The following SMC6 variants were observed in gnomAD, a reference collection of about 807,000 sequenced individuals.
The protein encoded by SMC6 is structural maintenance of chromosomes protein 6.
Under a neutral mutation model 142.2 loss-of-function variants are expected in SMC6, and 79 were observed. The observed-to-expected ratio is 0.56, with a 90% CI of 0.46 to 0.67. SMC6 has a LOEUF of 0.67. SMC6 is among the 30% of genes least tolerant of loss of function. The pLI is 0.00. For missense variants in SMC6, 1,072 were observed against 1,284.0 expected (o/e 0.83, Z 2.52); for synonymous variants, 411 against 412.4 (o/e 1.00, Z 0.04).
At chr2:17,670,637 C>A in intron 25 of SMC6, 62 bp from the exon 26 acceptor site, 11 of 1,390,222 alleles carry the variant, frequency 7.9e-6, no homozygotes, top group Non-Finnish European at 9.6e-6. Flanking sequence ...AGATTAAATT[C>A]TTTACAAGAC....
At chr2:17,693,955 A>G (rs1183457469) in intron 23 of SMC6, among the ~76,000 whole-genome samples, 2 of 147,238 alleles carry the variant, frequency 1.4e-5, no homozygotes, top group African/African-American at 5.0e-5. Flanking sequence ...AGCCGAGATC[A>G]CGCCATTGCA....
rs1420817987 is a variant in SMC6 at position 17,753,636 on chromosome 2, T to C, written c.-103A>G. Reference sequence around the variant, plus strand: ...GCGCCTTCACCCTACCGCCAACAAGTCGAAGTCTCCCAAAGGAACCTGATC... The same window carrying C: ...GCGCCTTCACCCTACCGCCAACAAGCCGAAGTCTCCCAAAGGAACCTGATC... On this transcript the variant is annotated 5_prime_UTR_variant, in exon 1 of 28. Coordinates refer to ENST00000448223, the MANE Select transcript of SMC6 (RefSeq NM_001142286.2). The C allele has an allele frequency of 6.6e-6, 1 of 152,172 alleles. No homozygotes were observed. The highest frequency in any genetic ancestry group is 2.4e-5 in the African/African-American group (1 of 41,430). 9.4% of individuals were successfully genotyped at this position (152,172 alleles called of 1,614,324 possible).
chr2:17,690,975 T>C (rs1572271150), intron 23 of SMC6, among the ~76,000 whole-genome samples: 1 of 150,286 alleles, frequency 6.7e-6, no homozygotes, highest in African/African-American at 2.4e-5. Context: ...AAACGCTGAG[T>C]ACATATAAAA....
rs760199035 is a variant in SMC6, at chr2:17,721,054, T to C, written c.847-16A>G. The C allele has an allele frequency of 3.7e-6, 6 of 1,612,948 alleles. No homozygotes were observed. The African/African-American group carries it at 4.0e-5, about 11-fold the overall frequency. On this transcript the variant is annotated splice_polypyrimidine_tract_variant and intron_variant, in intron 10 of 27. Coordinates refer to ENST00000448223, the MANE Select transcript of SMC6 (RefSeq NM_001142286.2). The stretch of plus-strand genomic sequence containing the variant: ...TTTCATTGACCTAAGAAAGAAATTA[T>C]ATAGCAAATTGATCAGATTAACAAT...
chr2:17,706,110 C>T (rs192698208), intron 18 of SMC6, among the ~76,000 whole-genome samples: 18 of 151,970 alleles, frequency 1.2e-4, no homozygotes, highest in African/African-American at 4.3e-4. Flanking sequence ...GTATTAGATA[C>T]CCATTAAGTA....
chr2:17,706,105 A>G (rs1399399406), intron 18 of SMC6, among the ~76,000 whole-genome samples: 1 of 152,190 alleles, frequency 6.6e-6, no homozygotes, highest in East Asian at 1.9e-4. Flanking sequence ...CTGGAGTATT[A>G]GATACCCATT....
Position 17,753,001 on chromosome 2 carries a change from C to T in SMC6, c.-29G>A, listed in dbSNP as rs950266616. The T allele has an allele frequency of 2.0e-6, 2 of 984,808 alleles. No individual in the cohort carries two copies. Among genetic ancestry groups the T allele is most frequent in the Non-Finnish European group, 2.4e-6 (2 of 829,372 alleles). The allele number at this position is 984,808 out of a possible 1,614,324, so 61.0% of individuals were successfully genotyped here. ...ACCTCAAACCCTATTGGTTCTACAA[C>T]CTTTCTCTACCCTAGAGTCCTGTTT... is the stretch of plus-strand genomic sequence containing the variant. On this transcript the variant is annotated 5_prime_UTR_variant, in exon 2 of 28. Transcript: ENST00000448223.
chr2:17,750,699 TA>T (rs1173082898), intron 2 of SMC6, among the ~76,000 whole-genome samples: 2 of 151,826 alleles, frequency 1.3e-5, no homozygotes, highest in African/African-American at 4.8e-5. Context: ...TCATTAAACT[TA>T]AAAAAAAGAT....
chr2:17,723,581 C>A (rs116297015), intron 9 of SMC6, among the ~76,000 whole-genome samples: 1,950 of 152,302 alleles, frequency 0.013, 24 homozygotes, highest in East Asian at 0.031. Context: ...TCTTCTTAGG[C>A]ATCACTTCCT....
intron 26 of SMC6, 55 bp from the exon 27 acceptor site, chr2:17,666,572 A>C (rs1250883401): frequency 7.4e-7 from 1 of 1,344,636 alleles, no homozygotes; most frequent in Admixed American, 1.7e-5. Flanking sequence ...CATTTCTGTA[A>C]AAGCAGCATT....
intron 17 of SMC6, 150 bp from the exon 18 acceptor site, chr2:17,707,529 A>G (rs568660613): frequency 2.1e-6 from 1 of 482,250 alleles, no homozygotes; most frequent in South Asian, 8.2e-5. Context: ...GTTAAATATA[A>G]GAATTTTAAA....
intron 18 of SMC6, among the ~76,000 whole-genome samples, chr2:17,705,381 A>C (rs1668457194): frequency 6.6e-6 from 1 of 152,184 alleles, no homozygotes; most frequent in Non-Finnish European, 1.5e-5. Flanking sequence ...GTTTGAGACC[A>C]GCCTTGTCAA....
intron 2 of SMC6, among the ~76,000 whole-genome samples, chr2:17,748,588 C>T (rs1184052257): frequency 6.6e-6 from 1 of 152,144 alleles, no homozygotes; most frequent in Non-Finnish European, 1.5e-5. Flanking sequence ...TAAGAATCAA[C>T]ATAGATCGGT....
chr2:17,742,706 C>T (rs1371039168), intron 3 of SMC6, among the ~76,000 whole-genome samples: 2 of 152,246 alleles, frequency 1.3e-5, no homozygotes, highest in South Asian at 2.1e-4. Flanking sequence ...ATGAGTAGAA[C>T]ACTGGAAATC....
chr2:17,731,600 G>T (rs1055514128), intron 6 of SMC6, 141 bp downstream of exon 6: 1 of 705,704 alleles, frequency 1.4e-6, no homozygotes, highest in Non-Finnish European at 2.3e-6. Flanking sequence ...ATATGCACGT[G>T]TGTGTGTGTG....
intron 19 of SMC6, among the ~76,000 whole-genome samples, chr2:17,702,942 T>C (rs1425569747): frequency 1.3e-5 from 2 of 152,198 alleles, no homozygotes; most frequent in Non-Finnish European, 2.9e-5. Context: ...GACTAATACA[T>C]GAATTAATAA....
intron 23 of SMC6, among the ~76,000 whole-genome samples, chr2:17,692,522 G>C (rs544404974): frequency 1.3e-5 from 2 of 152,280 alleles, no homozygotes; most frequent in South Asian, 4.1e-4. Context: ...GCTGAAACTG[G>C]ATCCCTTCCT....
chr2:17,727,156 G>A (rs76082974), intron 7 of SMC6, among the ~76,000 whole-genome samples: 3,577 of 152,206 alleles, frequency 0.024, 152 homozygotes, highest in African/African-American at 0.083. Context: ...TGGATTGAAG[G>A]ATGCAAAGTA....
chr2:17,703,447 C>T (rs1014325710), intron 18 of SMC6, among the ~76,000 whole-genome samples, 155 bp from the exon 19 acceptor site: 1 of 152,160 alleles, frequency 6.6e-6, no homozygotes, highest in Non-Finnish European at 1.5e-5. Flanking sequence ...AGCTATTAAT[C>T]ATGAAAATCT....
Sources: gnomAD v4.1 joint callset for allele counts (sites outside exome capture counted in the v4.1 genomes callset) on GRCh38, gnomAD v4.1.1 for gene constraint, MANE v1.5 for transcripts, NCBI Gene and HGNC (gene_info 2026-07-23, HGNC 2026-07-21) for gene names.